ABLIM2: variants seen among roughly 807,000 people sequenced by gnomAD.
The protein encoded by ABLIM2 is actin-binding LIM protein 2.
ABLIM2 carries 53 observed loss-of-function variants against 97.7 expected under a neutral mutation model. That is an observed-to-expected ratio of 0.54 (90% CI 0.44 to 0.68). ABLIM2 has a LOEUF of 0.68. Ranked by LOEUF, ABLIM2 falls within the 30% of genes least tolerant of loss-of-function variation. The probability of loss-of-function intolerance (pLI) is 0.00; values close to 1 mark genes in which losing one functional copy is unlikely to be tolerated. For synonymous variants in ABLIM2, 361 were observed against 345.8 expected, an observed-to-expected ratio of 1.04 and a Z score of -0.49; for missense variants, 835 against 867.2, an observed-to-expected ratio of 0.96 and a Z score of 0.47.
chr4:8,038,835 T>C (rs534288104), intron 9 of ABLIM2, among the ~76,000 whole-genome samples: 4 of 152,268 alleles, frequency 2.6e-5, no homozygotes, highest in East Asian at 3.9e-4. Flanking sequence ...TTCTGGGAAA[T>C]TGGAACTCTG....
chr4:7,995,331 C>T (rs1368922281), intron 16 of ABLIM2, among the ~76,000 whole-genome samples: 9 of 152,212 alleles, frequency 5.9e-5, no homozygotes, highest in Admixed American at 5.9e-4. Context: ...GCCAGATGCC[C>T]ACATTCACTC....
intron 20 of ABLIM2, among the ~76,000 whole-genome samples, chr4:7,980,566 T>A (rs890425380): frequency 8.6e-5 from 13 of 151,814 alleles, no homozygotes; most frequent in Admixed American, 2.6e-4. Context: ...AATAAAAAAA[T>A]TAGCCAGGCG....
chr4:8,110,059 G>A (rs1178784322), intron 1 of ABLIM2, among the ~76,000 whole-genome samples: 1 of 152,254 alleles, frequency 6.6e-6, no homozygotes, highest in Non-Finnish European at 1.5e-5. Flanking sequence ...GATTAGAATT[G>A]TGGACTGAAC....
chr4:8,145,140 C>T (rs1016338267), intron 1 of ABLIM2, among the ~76,000 whole-genome samples: 1 of 151,910 alleles, frequency 6.6e-6, no homozygotes, highest in African/African-American at 2.4e-5. Context: ...TACAGCCTCG[C>T]TCCTGTGCCC....
At position 8,036,266 on chromosome 4, in the gene ABLIM2, G is replaced by A. The variant is rs367969387; in HGVS notation, c.930C>T (p.Tyr310=). Residue 310 remains tyrosine (Y), a synonymous_variant, in exon 10 of 21, where the codon TAC becomes TAT. Transcript: ENST00000447017. ...TTTTAGGAAGGGCTGCCAAGTCCCTGTAGTCCAGGATCTCACCACCAAGCT... is the reference window on the plus strand; with the variant it reads ...TTTTAGGAAGGGCTGCCAAGTCCCTATAGTCCAGGATCTCACCACCAAGCT... ...YAKLGGEILD[Y]RDLAALPKSK... 3.7e-6 allele frequency: 6 copies of A among 1,613,804 alleles called. No individual in the cohort carries two copies. Among genetic ancestry groups the A allele is most frequent in the Non-Finnish European group, 2.5e-6 (3 of 1,179,822 alleles).
At chr4:8,050,739 T>C (rs1278359690) in intron 8 of ABLIM2, among the ~76,000 whole-genome samples, 2 of 142,250 alleles carry the variant, frequency 1.4e-5, no homozygotes, top group Admixed American at 7.3e-5. Context: ...CGCCAGGCCC[T>C]CCGGACAGTT....
intron 1 of ABLIM2, among the ~76,000 whole-genome samples, chr4:8,145,638 C>A (rs996494402): frequency 6.6e-6 from 1 of 152,046 alleles, no homozygotes; most frequent in Admixed American, 6.6e-5. Flanking sequence ...GACATGAAAT[C>A]TCAGGCCAGC....
intron 5 of ABLIM2, among the ~76,000 whole-genome samples, chr4:8,079,440 C>T (rs1044540856): frequency 1.3e-5 from 2 of 152,296 alleles, no homozygotes; most frequent in Middle Eastern, 3.4e-3. Flanking sequence ...TAAAGTGCTG[C>T]GTGCACCACA....
In ABLIM2 at chr4:8,033,117, A is replaced by C. The variant is rs997777454; in HGVS notation, c.1047+3032T>G. ...GGGTGACCAGAAGCCTTTGGGTTGG[A>C]GACGGCTCTGCCGTGGGGGTCCTGG... On this transcript the variant is annotated intron_variant, in intron 10 of 20. Coordinates refer to ENST00000447017, the MANE Select transcript of ABLIM2 (RefSeq NM_001130083.2). The surrounding 1 kb of genome is among the most constrained non-coding windows in gnomAD (Gnocchi z 4.5). 1.3e-5 allele frequency among the ~76,000 whole-genome samples: 2 copies of C among 152,218 alleles called. No individual in the cohort carries two copies. The highest frequency in any genetic ancestry group is 4.8e-5 in the African/African-American group (2 of 41,460).
chr4:8,060,012 G>C (rs958066051), intron 7 of ABLIM2, among the ~76,000 whole-genome samples: 5 of 151,716 alleles, frequency 3.3e-5, no homozygotes, highest in Non-Finnish European at 5.9e-5. Context: ...CCCTTTGCAC[G>C]TACACAAGGT....
rs1056598016 is a variant in ABLIM2 at position 8,147,992 on chromosome 4, G to A, written c.10+10688C>T. On this transcript the variant is annotated intron_variant, in intron 1 of 20. Coordinates refer to ENST00000447017, the MANE Select transcript of ABLIM2 (RefSeq NM_001130083.2). The surrounding 1 kb of genome is among the most constrained non-coding windows in gnomAD (Gnocchi z 5.3). ...CCCAATATCCCAGAAGAAGGGGCAC[G>A]AGTCAGGGCCCAGCTGCAGACCAAC... is the stretch of plus-strand genomic sequence containing the variant. 6.6e-6 allele frequency among the ~76,000 whole-genome samples: 1 copy of A among 152,218 alleles called. No individual in the cohort carries two copies. Among genetic ancestry groups the A allele is most frequent in the Non-Finnish European group, 1.5e-5 (1 of 68,036 alleles).
chr4:8,151,016 A>G (rs186672376), intron 1 of ABLIM2, among the ~76,000 whole-genome samples: 48 of 152,144 alleles, frequency 3.2e-4, no homozygotes, highest in Middle Eastern at 6.8e-3. Context: ...CTTGACTCTC[A>G]CTCAGCATCT....
chr4:8,150,295 C>T lies in ABLIM2; in HGVS notation c.10+8385G>A, dbSNP rs1041550414. On this transcript the variant is annotated intron_variant, in intron 1 of 20. Transcript: ENST00000447017. The surrounding 1 kb of genome is among the most constrained non-coding windows in gnomAD (Gnocchi z 6.3). ...GCCAGGCTGTCTTATGGAATGACGG[C>T]AGACAGATGAGGAGGCCATGCTGAA... 6.6e-6 allele frequency among the ~76,000 whole-genome samples: 1 copy of T among 152,206 alleles called. No homozygotes were observed. Among genetic ancestry groups the T allele is most frequent in the Non-Finnish European group, 1.5e-5 (1 of 68,034 alleles).
intron 20 of ABLIM2, among the ~76,000 whole-genome samples, chr4:7,972,166 T>C (rs1368060875): frequency 1.3e-5 from 2 of 152,154 alleles, no homozygotes. Context: ...CCGGGACCTC[T>C]TCCACAGCCT....
At chr4:8,036,834 C>T (rs1048442531) in intron 9 of ABLIM2, among the ~76,000 whole-genome samples, 3 of 152,168 alleles carry the variant, frequency 2.0e-5, no homozygotes, top group East Asian at 1.9e-4. Context: ...AACACAGACA[C>T]GCACACATGC....
chr4:8,052,255 T>C (rs1413302478), intron 8 of ABLIM2, among the ~76,000 whole-genome samples: 2 of 152,096 alleles, frequency 1.3e-5, no homozygotes, highest in African/African-American at 4.8e-5. Flanking sequence ...CTCACTCAGG[T>C]CCCTTCCACA....
intron 20 of ABLIM2, among the ~76,000 whole-genome samples, chr4:7,974,188 TATCCATCC>T (rs1372147938): frequency 6.6e-6 from 1 of 151,928 alleles, no homozygotes; most frequent in South Asian, 2.1e-4. Flanking sequence ...TCTATCTATC[TATCCATCC>T]ATCCATCCAC....
Position 8,036,052 on chromosome 4 carries a change from C to T in ABLIM2, c.1047+97G>A, listed in dbSNP as rs1784279476. 5 of 1,441,436 alleles carry T rather than the reference C, an allele frequency of 3.5e-6. No individual in the cohort carries two copies. The African/African-American group carries it at 4.2e-5, about 12-fold the overall frequency. 89.3% of individuals were successfully genotyped at this position (1,441,436 alleles called of 1,614,324 possible). A position where few individuals can be genotyped will look rare whatever the true frequency, so the allele number is the denominator to read the frequency against. On this transcript the variant is annotated intron_variant, in intron 10 of 20. Transcript: ENST00000447017. ...GGGTGAGTGGTGAAGATGGAAGTGG[C>T]TCTGGCCCCATAGGACACATGCTAG... is the stretch of plus-strand genomic sequence containing the variant.
intron 2 of ABLIM2, among the ~76,000 whole-genome samples, chr4:8,103,164 G>A (rs1386092639): frequency 1.3e-5 from 2 of 152,198 alleles, no homozygotes; most frequent in South Asian, 4.2e-4. Context: ...CCCTGGGGTA[G>A]GGGTGTGGGG....
Sources: gnomAD v4.1 joint callset for allele counts (sites outside exome capture counted in the v4.1 genomes callset) on GRCh38, gnomAD v4.1.1 for gene constraint, Gnocchi (gnomAD v3.1) non-coding constraint, MANE v1.5 for transcripts, NCBI Gene and HGNC (gene_info 2026-07-23, HGNC 2026-07-21) for gene names.